Variants in ATXN7L1 observed in about 807,000 individuals in gnomAD.
The protein encoded by ATXN7L1 is ataxin 7 like 1, also known as ataxin-7-like protein 1.
In ATXN7L1, 15 loss-of-function variants were observed where a neutral mutation model predicts 70.8. The observed-to-expected ratio is 0.21, with a 90% CI of 0.14 to 0.33. ATXN7L1 has a LOEUF of 0.33. Among genes scored for constraint, ATXN7L1 ranks in the 10% least tolerant of loss-of-function variants. The pLI is 1.00. For synonymous variants in ATXN7L1, 440 were observed against 445.1 expected (o/e 0.99, Z 0.14); for missense variants, 975 against 1,097.1 (o/e 0.89, Z 1.57).
At chr7:105,642,716 T>C in intron 5 of ATXN7L1, 122 bp downstream of exon 5, 1 of 1,242,474 alleles carries the variant, frequency 8.0e-7, no homozygotes, top group South Asian at 1.6e-5. Flanking sequence ...GCAGGTAAAC[T>C]CTGCATCCCC....
intron 3 of ATXN7L1, among the ~76,000 whole-genome samples, chr7:105,702,057 T>C (rs1351747857): frequency 6.6e-6 from 1 of 152,192 alleles, no homozygotes; most frequent in Non-Finnish European, 1.5e-5. Context: ...ATGACCTATA[T>C]TCTGATGCTA....
intron 10 of ATXN7L1, among the ~76,000 whole-genome samples, chr7:105,611,192 C>T (rs1793123833): frequency 6.6e-6 from 1 of 152,188 alleles, no homozygotes; most frequent in Non-Finnish European, 1.5e-5. Flanking sequence ...GCGGGTGTGG[C>T]CACTGTGCCC....
chr7:105,803,478 G>A (rs988815285), intron 2 of ATXN7L1, among the ~76,000 whole-genome samples: 11 of 152,174 alleles, frequency 7.2e-5, no homozygotes, highest in Non-Finnish European at 1.0e-4. Flanking sequence ...CAGTATCCTC[G>A]GTGCTCTGGG....
chr7:105,718,135 A>G (rs1794778869), intron 3 of ATXN7L1, among the ~76,000 whole-genome samples: 1 of 152,172 alleles, frequency 6.6e-6, no homozygotes, highest in East Asian at 1.9e-4. Context: ...CAACAGCAAC[A>G]ATAAGAAAAC....
At chr7:105,619,495 CATATATATATATAT>C (rs1176697618) in intron 9 of ATXN7L1, among the ~76,000 whole-genome samples, 560 of 27,618 alleles carry the variant, frequency 0.02, 15 homozygotes, top group South Asian at 0.038. Flanking sequence ...CAAACAGAAG[CATATATATATATAT>C]ATATATATAT....
chr7:105,804,627 T>C (rs1304121107), intron 2 of ATXN7L1, among the ~76,000 whole-genome samples: 2 of 152,192 alleles, frequency 1.3e-5, no homozygotes, highest in East Asian at 3.8e-4. Context: ...AGAAGATTTA[T>C]TGATAAAATA....
intron 2 of ATXN7L1, among the ~76,000 whole-genome samples, chr7:105,818,283 C>T (rs1018757830): frequency 2.0e-5 from 3 of 152,226 alleles, no homozygotes; most frequent in Non-Finnish European, 4.4e-5. Flanking sequence ...AATCCTCCTG[C>T]CTCAGCCTCC....
chr7:105,717,247 C>A (rs1298597164), intron 3 of ATXN7L1, among the ~76,000 whole-genome samples: 1 of 152,184 alleles, frequency 6.6e-6, no homozygotes, highest in African/African-American at 2.4e-5. Flanking sequence ...CCTGCCTCAG[C>A]CTCCTGAGTA....
chr7:105,771,161 C>T (rs1216847486), intron 3 of ATXN7L1, among the ~76,000 whole-genome samples: 4 of 151,310 alleles, frequency 2.6e-5, no homozygotes, highest in Admixed American at 1.3e-4. Context: ...GATCGCGCCA[C>T]TGCACTCCAG....
chr7:105,833,219 A>T (rs1456336579), intron 2 of ATXN7L1, among the ~76,000 whole-genome samples: 1 of 152,024 alleles, frequency 6.6e-6, no homozygotes, highest in Non-Finnish European at 1.5e-5. Flanking sequence ...CCTGACCCTC[A>T]CTGGCTGTTT....
chr7:105,842,971 A>T (rs980167055), intron 2 of ATXN7L1, among the ~76,000 whole-genome samples: 11 of 152,190 alleles, frequency 7.2e-5, no homozygotes, highest in African/African-American at 2.7e-4. Flanking sequence ...GATGTTGAGC[A>T]TCTTTTCATG....
intron 9 of ATXN7L1, among the ~76,000 whole-genome samples, chr7:105,615,168 A>G (rs1793689195): frequency 6.6e-6 from 1 of 150,594 alleles, no homozygotes; most frequent in Admixed American, 6.6e-5. Flanking sequence ...CCACCCCCCA[A>G]CTCTCTTTTT....
intron 3 of ATXN7L1, among the ~76,000 whole-genome samples, chr7:105,665,568 C>A (rs1024587993): frequency 6.6e-6 from 1 of 152,204 alleles, no homozygotes; most frequent in African/African-American, 2.4e-5. Flanking sequence ...TTCTGCAAAA[C>A]CACTTCCACA....
intron 3 of ATXN7L1, chr7:105,760,256 A>G (rs1051293948): frequency 2.0e-6 from 2 of 981,368 alleles, no homozygotes; most frequent in Non-Finnish European, 2.4e-6. Context: ...AAGGATATTT[A>G]TGTATGGTTT....
chr7:105,776,275 T>C (rs1802713390), intron 3 of ATXN7L1, among the ~76,000 whole-genome samples: 1 of 152,152 alleles, frequency 6.6e-6, no homozygotes, highest in African/African-American at 2.4e-5. Flanking sequence ...ATCAAAGCCA[T>C]GGCCTCCCCA....
rs1012327842 is a variant in ATXN7L1 at position 105,737,546 on chromosome 7, T to C, written c.355+51058A>G. 3.3e-5 allele frequency among the ~76,000 whole-genome samples: 5 copies of C among 151,720 alleles called. No homozygotes were observed. The East Asian group carries it at 9.7e-4, about 29-fold the overall frequency. On this transcript the variant is annotated intron_variant, in intron 3 of 11. Transcript: ENST00000419735. Reference sequence around the variant, plus strand: ...ACGTCCCCGTGTGTGTGTGTGTGTGTGTGTGTGTGTGTGTGTGTGTGTTAA... The same window carrying C: ...ACGTCCCCGTGTGTGTGTGTGTGTGCGTGTGTGTGTGTGTGTGTGTGTTAA...
At chr7:105,657,506 A>G (rs899831419) in intron 4 of ATXN7L1, among the ~76,000 whole-genome samples, 2 of 151,612 alleles carry the variant, frequency 1.3e-5, no homozygotes, top group South Asian at 4.2e-4. Context: ...TGAGCTCAGG[A>G]ATTCGAGATG....
chr7:105,844,753 A>C (rs1320917859), intron 2 of ATXN7L1, among the ~76,000 whole-genome samples: 2 of 152,226 alleles, frequency 1.3e-5, no homozygotes, highest in Non-Finnish European at 2.9e-5. Context: ...AAATAAATAA[A>C]ATGCATTCAG....
chr7:105,759,289 C>T (rs1024030751), intron 3 of ATXN7L1, among the ~76,000 whole-genome samples: 10 of 151,174 alleles, frequency 6.6e-5, no homozygotes, highest in East Asian at 3.9e-4. Flanking sequence ...TGGGAGGCAG[C>T]GCTGAGATGA....
Sources: allele counts gnomAD v4.1 joint callset (sites outside exome capture counted in the v4.1 genomes callset), GRCh38; gene constraint gnomAD v4.1.1; transcripts MANE v1.5; gene names NCBI Gene and HGNC (gene_info 2026-07-23, HGNC 2026-07-21).